Variants in PRKCZ observed in about 807,000 individuals in gnomAD.
The protein encoded by PRKCZ is protein kinase C zeta type.
PRKCZ carries 33 observed loss-of-function variants against 79.5 expected under a neutral mutation model. The ratio of observed to expected loss-of-function variants is 0.41; its 90% CI spans 0.31 to 0.55. PRKCZ has a LOEUF of 0.55. Ranked by LOEUF, PRKCZ falls within the 20% of genes least tolerant of loss-of-function variation. The pLI is 0.19. For synonymous variants in PRKCZ, 342 were observed against 320.9 expected (o/e 1.07, Z -0.70); for missense variants, 578 against 813.5 (o/e 0.71, Z 3.52).
chr1:2,083,326 A>G (rs1032836941), intron 4 of PRKCZ, among the ~76,000 whole-genome samples: 1 of 151,316 alleles, frequency 6.6e-6, no homozygotes, highest in Non-Finnish European at 1.5e-5. Flanking sequence ...CAGTGGTCTC[A>G]GGACCCCCAC....
In PRKCZ at chr1:2,067,607, C is replaced by T. The variant is rs189334987; in HGVS notation, c.334+8016C>T. On this transcript the variant is annotated intron_variant, in intron 4 of 17. Coordinates refer to ENST00000378567, the MANE Select transcript of PRKCZ (RefSeq NM_002744.6). Reference sequence around the variant, plus strand: ...GGGCTCCACCTGCTGCCACGTGTGCCGGGCTGCCCAGGGCCCATGAGGGTG... The same window carrying T: ...GGGCTCCACCTGCTGCCACGTGTGCTGGGCTGCCCAGGGCCCATGAGGGTG... Among the ~76,000 whole-genome samples, 374 of 152,206 alleles carry T rather than the reference C, an allele frequency of 2.5e-3. 1 individual carries two copies. Among genetic ancestry groups the T allele is most frequent in the African/African-American group, 8.6e-3 (356 of 41,536 alleles).
intron 4 of PRKCZ, among the ~76,000 whole-genome samples, chr1:2,118,817 C>A (rs1671287768): frequency 6.6e-6 from 1 of 150,920 alleles, no homozygotes; most frequent in African/African-American, 2.4e-5. Flanking sequence ...CATCCTTTCA[C>A]TTTCTTTTCT....
chr1:2,049,962 C>T (rs1445682658), upstream of PRKCZ: 1 of 152,324 alleles, frequency 6.6e-6, no homozygotes, highest in African/African-American at 2.4e-5. Context: ...ACGCTCCCGT[C>T]CGTGACCCTG....
In PRKCZ at chr1:2,086,603, G is replaced by A. The variant is rs544149916; in HGVS notation, c.334+27012G>A. Among the ~76,000 whole-genome samples, 32 of 152,310 alleles carry A rather than the reference G, an allele frequency of 2.1e-4. 3 individuals carry two copies. The South Asian group carries it at 5.0e-3, about 24-fold the overall frequency. On this transcript the variant is annotated intron_variant, in intron 4 of 17. Coordinates refer to ENST00000378567, the MANE Select transcript of PRKCZ (RefSeq NM_002744.6). Reference sequence around the variant, plus strand: ...AGGCTGGACCTGGCCGTTTCTCCACGGAACTTGGCTTCCTTCGGAGGAGGG... The same window carrying A: ...AGGCTGGACCTGGCCGTTTCTCCACAGAACTTGGCTTCCTTCGGAGGAGGG...
chr1:2,080,706 C>T (rs1571222363), intron 4 of PRKCZ, among the ~76,000 whole-genome samples: 1 of 152,136 alleles, frequency 6.6e-6, no homozygotes, highest in Admixed American at 6.5e-5. Context: ...GGCTTTATTC[C>T]GCTTGCCTCA....
intron 4 of PRKCZ, among the ~76,000 whole-genome samples, chr1:2,070,098 C>T (rs998954950): frequency 6.6e-6 from 1 of 152,122 alleles, no homozygotes; most frequent in Non-Finnish European, 1.5e-5. Flanking sequence ...GCTGGGCAGC[C>T]GCAGACCCCA....
At chr1:2,138,794 C>T (rs1287995727) in intron 5 of PRKCZ, among the ~76,000 whole-genome samples, 4 of 152,112 alleles carry the variant, frequency 2.6e-5, no homozygotes, top group Non-Finnish European at 4.4e-5. Flanking sequence ...ATTAGCCAGG[C>T]GTGGTGGCAC....
At chr1:2,114,741 T>A (rs1670399218) in intron 4 of PRKCZ, among the ~76,000 whole-genome samples, 1 of 151,838 alleles carries the variant, frequency 6.6e-6, no homozygotes, top group Non-Finnish European at 1.5e-5. Context: ...GCCACTGCAC[T>A]CCAGCCTGGT....
chr1:2,104,784 G>A (rs1258639052), intron 4 of PRKCZ: 6 of 985,958 alleles, frequency 6.1e-6, no homozygotes, highest in East Asian at 1.1e-4. Context: ...GCTGCCCCCC[G>A]GGGCCGAGCA....
chr1:2,167,788 A>G (rs1683631047), intron 10 of PRKCZ, among the ~76,000 whole-genome samples: 1 of 152,170 alleles, frequency 6.6e-6, no homozygotes, highest in Non-Finnish European at 1.5e-5. Context: ...TATCTTTAGT[A>G]GAGATGAGGT....
At chr1:2,066,082 C>T (rs182911302) in intron 4 of PRKCZ, among the ~76,000 whole-genome samples, 8 of 152,156 alleles carry the variant, frequency 5.3e-5, no homozygotes, top group East Asian at 1.9e-4. Flanking sequence ...TTTTTACATC[C>T]GTGTTTATAA....
chr1:2,060,621 G>A (rs1660589253), intron 4 of PRKCZ, among the ~76,000 whole-genome samples: 12 of 152,208 alleles, frequency 7.9e-5, no homozygotes, highest in Admixed American at 7.8e-4. Flanking sequence ...GTGGCATCCC[G>A]GTTCCAGGCC....
At chr1:2,091,821 A>AGG (rs1379275229) in intron 4 of PRKCZ, among the ~76,000 whole-genome samples, 1 of 152,110 alleles carries the variant, frequency 6.6e-6, no homozygotes, top group East Asian at 1.9e-4. Context: ...GGGGCGTCCG[A>AGG]GGGCCCTGAC....
chr1:2,072,735 C>G (rs542572331), intron 4 of PRKCZ, among the ~76,000 whole-genome samples: 5 of 152,132 alleles, frequency 3.3e-5, no homozygotes, highest in African/African-American at 1.2e-4. Flanking sequence ...GGGGCCGTCC[C>G]TCCAGGGTCA....
intron 4 of PRKCZ, among the ~76,000 whole-genome samples, chr1:2,117,493 A>G (rs549648719): frequency 1.3e-5 from 2 of 151,864 alleles, no homozygotes; most frequent in African/African-American, 2.4e-5. Context: ...GTGCGCTGCC[A>G]TTTTGTCAGT....
rs773364340 is a variant in PRKCZ at position 2,146,126 on chromosome 1, C to T, written c.634+18C>T. ...AGATGGAAGTAGGCGCTGCTTTCTTCCGGCCGGGTAGAGCCTGGGCATCAC... is the reference window on the plus strand; with the variant it reads ...AGATGGAAGTAGGCGCTGCTTTCTTTCGGCCGGGTAGAGCCTGGGCATCAC... On this transcript the variant is annotated intron_variant, in intron 7 of 17. Transcript: ENST00000378567. 1.9e-6 allele frequency: 3 copies of T among 1,607,114 alleles called. No homozygotes were observed. In the South Asian group the frequency reaches 3.3e-5, roughly 18 times the overall value.
intron 10 of PRKCZ, among the ~76,000 whole-genome samples, chr1:2,166,230 G>A (rs1683292011): frequency 6.6e-6 from 1 of 152,156 alleles, no homozygotes; most frequent in South Asian, 2.1e-4. Context: ...ACCAGCCTGG[G>A]AAATATCTCG....
chr1:2,053,473 C>T (rs1402999822), intron 1 of PRKCZ, among the ~76,000 whole-genome samples: 6 of 152,206 alleles, frequency 3.9e-5, no homozygotes, highest in African/African-American at 7.2e-5. Context: ...CCAACAGAGA[C>T]GCAGGAGTCT....
rs1659559067 is a variant in PRKCZ at position 2,050,716 on chromosome 1, G to GGGCGGGGAGCGGCGCGGGTGA, written c.71+19_71+39dup. 2 of 1,214,268 alleles carry GGGCGGGGAGCGGCGCGGGTGA rather than the reference G, an allele frequency of 1.6e-6. No individual in the cohort carries two copies. The highest frequency in any genetic ancestry group is 8.5e-5 in the Admixed American group (2 of 23,518). 75.2% of individuals were successfully genotyped at this position (1,214,268 alleles called of 1,614,324 possible). A position where few individuals can be genotyped will look rare whatever the true frequency, so the allele number is the denominator to read the frequency against. On this transcript the variant is annotated intron_variant, in intron 1 of 17. Coordinates refer to ENST00000378567, the MANE Select transcript of PRKCZ (RefSeq NM_002744.6). ...CATTACGGGGGGTGAGCGGCGGAGA[G>GGGCGGGGAGCGGCGCGGGTGA]GGCGGGGAGCGGCGCGGGTGAGGCA... is the stretch of plus-strand genomic sequence containing the variant.
Sources: allele counts gnomAD v4.1 joint callset (sites outside exome capture counted in the v4.1 genomes callset), GRCh38; gene constraint gnomAD v4.1.1; transcripts MANE v1.5; gene names NCBI Gene and HGNC (gene_info 2026-07-23, HGNC 2026-07-21).